The following DNAH12 variants were observed in gnomAD, a reference collection of about 807,000 sequenced individuals.
The protein encoded by DNAH12 is axonemal beta dynein heavy chain 12.
Under a neutral mutation model 371.5 loss-of-function variants are expected in DNAH12, and 285 were observed. The ratio of observed to expected loss-of-function variants is 0.77; its 90% CI spans 0.70 to 0.85. The LOEUF (loss-of-function observed/expected upper bound fraction) is 0.85, where lower values mean the gene tolerates loss of function less well. Ranked by LOEUF, DNAH12 falls within the 40% of genes least tolerant of loss-of-function variation. The probability of loss-of-function intolerance (pLI) is 0.00; values close to 1 mark genes in which losing one functional copy is unlikely to be tolerated. For synonymous variants in DNAH12, 1,200 were observed against 1,213.0 expected, an observed-to-expected ratio of 0.99 and a Z score of 0.22; for missense variants, 3,611 against 3,689.4, an observed-to-expected ratio of 0.98 and a Z score of 0.55.
chr3:57,537,390 C>T (rs1290096640), intron 2 of DNAH12, among the ~76,000 whole-genome samples: 1 of 152,122 alleles, frequency 6.6e-6, no homozygotes, highest in African/African-American at 2.4e-5. Context: ...ATTCTTGAGA[C>T]TCTGGAAAGC....
At chr3:57,302,868 G>A (rs969382037) in intron 69 of DNAH12, among the ~76,000 whole-genome samples, 4 of 150,542 alleles carry the variant, frequency 2.7e-5, no homozygotes, top group Non-Finnish European at 5.9e-5. Flanking sequence ...GAGCCACTGC[G>A]CCTGGCCAGG....
chr3:57,523,491 G>C (rs1399351901), intron 4 of DNAH12, 92 bp downstream of exon 4: 1 of 1,042,188 alleles, frequency 9.6e-7, no homozygotes, highest in African/African-American at 1.7e-5. Flanking sequence ...TTATTTTCTA[G>C]AATGGGACTT....
chr3:57,293,882 G>T lies in DNAH12; in HGVS notation c.11782C>A (p.His3928Asn), dbSNP rs1167798538. ...ERKGTLSTTG[H>N]STNFVIAMLL... ...ATTGCAATGACAAAGTTAGTAGAAT[G>T]TCCCGTAGTGGAAAGAGTTCCTTTA... Residue 3928 changes from histidine to asparagine, a missense_variant, in exon 74 of 74, where the codon CAT (histidine) becomes AAT (asparagine). His to Asn is a moderately conservative substitution (Grantham distance 68). This residue lies in a region of DNAH12 where 2,266 missense variants were observed against 2,236.9 expected (regional missense o/e 1.01). Coordinates refer to ENST00000495027, the MANE Select transcript of DNAH12 (RefSeq NM_001366028.2). 6.5e-7 allele frequency: 1 copy of T among 1,547,656 alleles called. No homozygotes were observed. The highest frequency in any genetic ancestry group is 8.7e-7 in the Non-Finnish European group (1 of 1,145,332).
At chr3:57,478,660 A>C (rs2153382631) in intron 13 of DNAH12, among the ~76,000 whole-genome samples, 1 of 152,322 alleles carries the variant, frequency 6.6e-6, no homozygotes, top group East Asian at 1.9e-4. Flanking sequence ...AAAAATGTTA[A>C]GGGCAGCCAG....
At chr3:57,434,814 T>TATA (rs2065068169) in intron 30 of DNAH12, among the ~76,000 whole-genome samples, 1 of 151,568 alleles carries the variant, frequency 6.6e-6, no homozygotes, top group Non-Finnish European at 1.5e-5. Flanking sequence ...GTTATTAGTA[T>TATA]ATAATGACAG....
Position 57,310,652 on chromosome 3 carries a change from A to G in DNAH12, c.10896+65T>C, listed in dbSNP as rs538667417. 128 of 1,121,178 alleles carry G rather than the reference A, an allele frequency of 1.1e-4. No individual in the cohort carries two copies. The African/African-American group carries it at 1.8e-3, about 16-fold the overall frequency. 69.5% of individuals were successfully genotyped at this position (1,121,178 alleles called of 1,614,324 possible). On this transcript the variant is annotated intron_variant, in intron 67 of 73. Transcript: ENST00000495027. ...CTAAACCTATACATTAGAGAAGAAC[A>G]TTTCACCATTTGCTGTTAGAAAAAT...
At chr3:57,362,799 T>A (rs932013534) in intron 58 of DNAH12, among the ~76,000 whole-genome samples, 11 of 152,190 alleles carry the variant, frequency 7.2e-5, no homozygotes, top group Non-Finnish European at 1.6e-4. Flanking sequence ...TTGTAAAAAT[T>A]TTCTCCCATT....
At chr3:57,540,645 C>CT (rs1192583029) in intron 2 of DNAH12, among the ~76,000 whole-genome samples, 4 of 152,136 alleles carry the variant, frequency 2.6e-5, no homozygotes. Context: ...TAAAAACAAT[C>CT]TAGGCCTGAT....
At chr3:57,514,716 A>G (rs2068125839) in intron 4 of DNAH12, among the ~76,000 whole-genome samples, 2 of 152,122 alleles carry the variant, frequency 1.3e-5, no homozygotes, top group Admixed American at 1.3e-4. Context: ...AATGAGGGAG[A>G]AAAGAAACTC....
intron 32 of DNAH12, among the ~76,000 whole-genome samples, chr3:57,431,900 A>G (rs2064966556): frequency 6.6e-6 from 1 of 152,222 alleles, no homozygotes; most frequent in Non-Finnish European, 1.5e-5. Flanking sequence ...TTCACGAAGA[A>G]AAGAGAAATC....
At chr3:57,323,342 A>C (rs1214157852) in intron 63 of DNAH12, 82 bp from the exon 64 acceptor site, 17 of 1,481,324 alleles carry the variant, frequency 1.1e-5, no homozygotes, top group Non-Finnish European at 1.4e-5. Flanking sequence ...TTTTATCATG[A>C]AAAATTCTAG....
chr3:57,332,790 C>G (rs1224037548), intron 62 of DNAH12, among the ~76,000 whole-genome samples: 1 of 152,106 alleles, frequency 6.6e-6, no homozygotes, highest in East Asian at 1.9e-4. Context: ...ATCTGGGGAG[C>G]TACCACTGTT....
In DNAH12 at chr3:57,344,730, G is replaced by A. The variant is rs535225416; in HGVS notation, c.9674+7355C>T. ...CACATGTTCTCACTTATATGCAGACGCTAAAATGAAGTTGATTTCATAGAA... is the reference window on the plus strand; with the variant it reads ...CACATGTTCTCACTTATATGCAGACACTAAAATGAAGTTGATTTCATAGAA... On this transcript the variant is annotated intron_variant, in intron 60 of 73. Transcript: ENST00000495027. Among the ~76,000 whole-genome samples, 9 of 152,220 alleles carry A rather than the reference G, an allele frequency of 5.9e-5. No homozygotes were observed. The South Asian group carries it at 1.0e-3, about 18-fold the overall frequency.
intron 60 of DNAH12, among the ~76,000 whole-genome samples, chr3:57,348,234 AAG>A (rs1348296029): frequency 6.6e-6 from 1 of 152,188 alleles, no homozygotes; most frequent in East Asian, 1.9e-4. Flanking sequence ...CCTTACTACT[AAG>A]AGAAAAAATC....
In DNAH12 at chr3:57,403,475, A is replaced by G. The variant is rs559801349; in HGVS notation, c.6782T>C (p.Ile2261Thr). The G allele has an allele frequency of 3.6e-4, 563 of 1,549,240 alleles. 5 individuals are homozygous for G. The highest frequency in any genetic ancestry group is 3.0e-3 in the South Asian group (253 of 83,244). ...ACCAGATTGCTTTAGAACTCGACATATTCTTGATAAATGTTCCAAAACATA... is the reference window on the plus strand; with the variant it reads ...ACCAGATTGCTTTAGAACTCGACATGTTCTTGATAAATGTTCCAAAACATA... ...FRYVLEHLSRICRVLKQSGGN... is the reference protein window; with the variant it reads ...FRYVLEHLSRTCRVLKQSGGN... Residue 2261 changes from isoleucine to threonine, a missense_variant, in exon 43 of 74, where the codon ATA becomes ACA. Physicochemically the swap from Ile to Thr is moderately conservative, Grantham distance 89. Transcript: ENST00000495027.
intron 17 of DNAH12, among the ~76,000 whole-genome samples, chr3:57,467,491 C>T (rs1344789552): frequency 6.6e-6 from 1 of 152,086 alleles, no homozygotes; most frequent in East Asian, 1.9e-4. Flanking sequence ...TTCATCTAAG[C>T]ATTTTGCAAA....
chr3:57,445,541 A>C, intron 27 of DNAH12, 122 bp from the exon 28 acceptor site: 1 of 886,982 alleles, frequency 1.1e-6, no homozygotes. Context: ...CCTTTTTCTA[A>C]ACTCTAATTT....
At chr3:57,462,427 T>C (rs2153377625) in intron 18 of DNAH12, among the ~76,000 whole-genome samples, 1 of 152,094 alleles carries the variant, frequency 6.6e-6, no homozygotes, top group Non-Finnish European at 1.5e-5. Context: ...AATTTTTGTA[T>C]TTTTAGTAGG....
chr3:57,518,810 C>A (rs2068300959), intron 4 of DNAH12, among the ~76,000 whole-genome samples: 2 of 152,134 alleles, frequency 1.3e-5, no homozygotes, highest in South Asian at 2.1e-4. Flanking sequence ...CTTGTGGTCT[C>A]ATTTTTTTGA....
Sources: allele counts gnomAD v4.1 joint callset (sites outside exome capture counted in the v4.1 genomes callset), GRCh38; gene constraint gnomAD v4.1.1; regional missense constraint gnomAD v4.1.1; transcripts MANE v1.5; gene names NCBI Gene and HGNC (gene_info 2026-07-23, HGNC 2026-07-21).